Variants in BICDL1 observed in about 807,000 individuals in gnomAD.
BICDL1 encodes BICD family like cargo adaptor 1.
Under a neutral mutation model 76.8 loss-of-function variants are expected in BICDL1, and 20 were observed. The observed-to-expected ratio is 0.26, with a 90% CI of 0.18 to 0.38. The LOEUF is 0.38. Among genes scored for constraint, BICDL1 ranks in the 10% least tolerant of loss-of-function variants. BICDL1 has a pLI of 1.00. For synonymous variants in BICDL1, 383 were observed against 337.1 expected (o/e 1.14, Z -1.49); for missense variants, 700 against 798.6 (o/e 0.88, Z 1.49).
Position 120,064,768 on chromosome 12 carries a change from G to A in BICDL1, c.798G>A (p.Glu266=), listed in dbSNP as rs1392626375. 6 of 1,613,314 alleles carry A rather than the reference G, an allele frequency of 3.7e-6. 1 individual carries two copies. The African/African-American group carries it at 6.7e-5, about 18-fold the overall frequency. Residue 266 remains glutamate, a synonymous_variant, in exon 4 of 10, where the codon GAG becomes GAA. Coordinates refer to ENST00000548673, the MANE Select transcript of BICDL1 (RefSeq NM_001367886.1). ...TGTCAGATCGGAAACGGGAGCTGGA[G>A]CATCGTCTCAGCGCTACTTTAGAGG... ...KMLSDRKREL[E]HRLSATLEEN...
At chr12:120,040,566 C>T (rs1952619143) in intron 2 of BICDL1, among the ~76,000 whole-genome samples, 1 of 152,034 alleles carries the variant, frequency 6.6e-6, no homozygotes, top group African/African-American at 2.4e-5. Flanking sequence ...TAGGCATACA[C>T]TACCACACCC....
chr12:120,092,791 G>A, intron 9 of BICDL1: 1 of 985,442 alleles, frequency 1.0e-6, no homozygotes, highest in South Asian at 4.7e-5. Flanking sequence ...GCCCAAGCCT[G>A]AGGAGGCTGG....
At chr12:120,044,590 T>A (rs984758337) in intron 2 of BICDL1, among the ~76,000 whole-genome samples, 11 of 152,246 alleles carry the variant, frequency 7.2e-5, no homozygotes, top group African/African-American at 2.7e-4. Context: ...TGCAATCTCC[T>A]TTTGAAAGTA....
rs1169741597 is a variant in BICDL1, at chr12:120,022,459, TTATATATTTA to T, written c.645+23733_645+23742del. On this transcript the variant is annotated intron_variant, in intron 2 of 9. Transcript: ENST00000548673. Reference sequence around the variant, plus strand: ...ATATATAATATATGTATTTTATATATTATATATTTATATATATTTTATATATTTTTGTGTA... The same window carrying T: ...ATATATAATATATGTATTTTATATATTATATATTTTATATATTTTTGTGTA... Among the ~76,000 whole-genome samples the T allele has an allele frequency of 2.0e-5, 3 of 147,022 alleles. No homozygotes were observed. The Admixed American group carries it at 2.0e-4, about 10-fold the overall frequency.
In BICDL1 at chr12:119,989,937, C is replaced by G. The variant is rs773544048; in HGVS notation, c.69C>G (p.Cys23Trp). The change falls in exon 1 of 10, where the codon TGC becomes TGG. Residue 23 changes from cysteine (C) to tryptophan (W), a missense_variant. Around this residue, in one of 3 missense-constraint regions of BICDL1, gnomAD observed 225 missense variants for 199.6 expected, o/e 1.13. Coordinates refer to ENST00000548673, the MANE Select transcript of BICDL1 (RefSeq NM_001367886.1). ...SAPAEPDSAC[C>W]MELPAAAGDA... is the part of the protein sequence containing the mutation. ...CCGCCGAGCCGGACAGCGCCTGCTG[C>G]ATGGAGCTGCCCGCCGCGGCCGGGG... 2.0e-6 allele frequency: 3 copies of G among 1,470,244 alleles called. No individual in the cohort carries two copies. The highest frequency in any genetic ancestry group is 2.6e-5 in the Admixed American group (1 of 38,256). The allele number at this position is 1,470,244 out of a possible 1,614,324, so 91.1% of individuals were successfully genotyped here.
chr12:120,025,371 A>G (rs1357096417), intron 2 of BICDL1, among the ~76,000 whole-genome samples: 2 of 152,052 alleles, frequency 1.3e-5, no homozygotes, highest in Admixed American at 6.6e-5. Flanking sequence ...TTCTTAGTAC[A>G]GGGAACTGGA....
At chr12:120,055,849 C>G (rs1395902150) in intron 2 of BICDL1, among the ~76,000 whole-genome samples, 3 of 152,138 alleles carry the variant, frequency 2.0e-5, no homozygotes, top group Non-Finnish European at 4.4e-5. Flanking sequence ...ATTGATGCAA[C>G]CTTTTTAGAG....
rs894904829 is a variant in BICDL1, at chr12:120,071,368, C to T, written c.910-254C>T. Among the ~76,000 whole-genome samples, 3 of 152,142 alleles carry T rather than the reference C, an allele frequency of 2.0e-5. No homozygotes were observed. Among genetic ancestry groups the T allele is most frequent in the African/African-American group, 7.2e-5 (3 of 41,432 alleles). ...TGTTGGCCAGGCTGGTCTCATACTCCTGACCTTAGGTGATCTGCCCGCCTC... is the reference window on the plus strand; with the variant it reads ...TGTTGGCCAGGCTGGTCTCATACTCTTGACCTTAGGTGATCTGCCCGCCTC... On this transcript the variant is annotated intron_variant, in intron 4 of 9. Transcript: ENST00000548673. This position sits in a 1 kb window ranked among gnomAD's most constrained non-coding sequence, Gnocchi z 4.8.
chr12:120,049,722 A>G (rs1952816896), intron 2 of BICDL1, among the ~76,000 whole-genome samples: 1 of 152,184 alleles, frequency 6.6e-6, no homozygotes, highest in South Asian at 2.1e-4. Context: ...GTTTAAACAT[A>G]TGGGGACTAT....
chr12:120,033,049 A>AT (rs1390080528), intron 2 of BICDL1, among the ~76,000 whole-genome samples: 1 of 151,802 alleles, frequency 6.6e-6, no homozygotes, highest in Non-Finnish European at 1.5e-5. Flanking sequence ...CTGGCCTATA[A>AT]TTTTTTTAAG....
At chr12:120,090,330 C>T in intron 9 of BICDL1, 1 of 414,648 alleles carries the variant, frequency 2.4e-6, no homozygotes, top group Non-Finnish European at 4.3e-6. Flanking sequence ...ATGGGGCCCC[C>T]TTTCAGCTGG....
chr12:120,043,177 A>G (rs371049731), intron 2 of BICDL1, among the ~76,000 whole-genome samples: 3 of 152,208 alleles, frequency 2.0e-5, no homozygotes, highest in East Asian at 1.9e-4. Flanking sequence ...TATGTTACCT[A>G]GAGCAGTGCT....
chr12:120,046,046 G>T (rs963152861), intron 2 of BICDL1, among the ~76,000 whole-genome samples: 2 of 152,116 alleles, frequency 1.3e-5, no homozygotes, highest in African/African-American at 2.4e-5. Flanking sequence ...TAGGAACTAT[G>T]CAGTGCCTCA....
At chr12:120,035,637 AAAATCTTTTTTAAAG>A (rs1952517217) in intron 2 of BICDL1, among the ~76,000 whole-genome samples, 3 of 152,350 alleles carry the variant, frequency 2.0e-5, no homozygotes, top group African/African-American at 7.2e-5. Context: ...CCCTTGCGTC[AAAATCTTTTTTAAAG>A]AATTTTTTTT....
rs1012986785 is a variant in BICDL1, at chr12:119,989,833, CG to C, written c.-33del. 1.2e-4 allele frequency: 137 copies of C among 1,176,404 alleles called. No homozygotes were observed. The African/African-American group carries it at 2.1e-3, about 18-fold the overall frequency. The allele number at this position is 1,176,404 out of a possible 1,614,324, so 72.9% of individuals were successfully genotyped here. A position where few individuals can be genotyped will look rare whatever the true frequency, so the allele number is the denominator to read the frequency against. On this transcript the variant is annotated 5_prime_UTR_variant, in exon 1 of 10. Coordinates refer to ENST00000548673, the MANE Select transcript of BICDL1 (RefSeq NM_001367886.1). ...CCCCTGCAGCCTGGCGCGCGCGGGC[CG>C]GGCCGCACCGCTGCGGGCTCCGCGC...
Position 120,066,933 on chromosome 12 carries a change from G to T in BICDL1, c.909+2054G>T, listed in dbSNP as rs138082502. 2.6e-3 allele frequency among the ~76,000 whole-genome samples: 393 copies of T among 152,324 alleles called. 1 individual carries two copies. Among genetic ancestry groups the T allele is most frequent in the Non-Finnish European group, 4.1e-3 (276 of 68,032 alleles). On this transcript the variant is annotated intron_variant, in intron 4 of 9. Coordinates refer to ENST00000548673, the MANE Select transcript of BICDL1 (RefSeq NM_001367886.1). ...TTTGATTTTAAATCCTCAGACAAGG[G>T]TGAGGGATGGCTGAGCAGGCAAGGC... is the stretch of plus-strand genomic sequence containing the variant.
chr12:120,070,578 C>CA (rs1478907762), intron 4 of BICDL1, among the ~76,000 whole-genome samples: 2 of 151,980 alleles, frequency 1.3e-5, no homozygotes, highest in Non-Finnish European at 2.9e-5. Flanking sequence ...ACTATTATAC[C>CA]AAAAAAATTA....
chr12:119,990,256 C>G lies in BICDL1; in HGVS notation c.388C>G (p.Gln130Glu). The G allele has an allele frequency of 6.3e-7, 1 of 1,576,678 alleles. No individual in the cohort carries two copies. Among genetic ancestry groups the G allele is most frequent in the Non-Finnish European group, 8.6e-7 (1 of 1,162,008 alleles). The change falls in exon 1 of 10, where the codon CAG becomes GAG. Residue 130 changes from glutamine to glutamate, a missense_variant. By Grantham distance (29) the Gln-to-Glu change is conservative. Coordinates refer to ENST00000548673, the MANE Select transcript of BICDL1 (RefSeq NM_001367886.1). ...CGAGAGGAACCAGGACATGAGCCGG[C>G]AGTACGAGCAGATGCATAAGGAGCT... Reference protein sequence around the residue: ...LLERNQDMSRQYEQMHKELTD... With the variant: ...LLERNQDMSREYEQMHKELTD...
rs569302592 is a variant in BICDL1, at chr12:120,033,367, CTTTTTT to C, written c.646-28327_646-28322del. 3.5e-3 allele frequency among the ~76,000 whole-genome samples: 272 copies of C among 77,614 alleles called. 8 individuals are homozygous for C. The highest frequency in any genetic ancestry group is 0.02 in the African/African-American group (248 of 12,702). The allele number at this position is 77,614 out of a possible 152,430, so 50.9% of individuals were successfully genotyped here. The stretch of plus-strand genomic sequence containing the variant: ...CAGTTTTCCTGTGGAGAGTTCTTGC[CTTTTTT>C]TTTTTTTTTTTTTTTGTGGGGGAGA... On this transcript the variant is annotated intron_variant, in intron 2 of 9. Coordinates refer to ENST00000548673, the MANE Select transcript of BICDL1 (RefSeq NM_001367886.1).
Sources: allele counts gnomAD v4.1 joint callset (sites outside exome capture counted in the v4.1 genomes callset), GRCh38; gene constraint gnomAD v4.1.1; regional missense constraint gnomAD v4.1.1; non-coding constraint Gnocchi (gnomAD v3.1); transcripts MANE v1.5; gene names NCBI Gene and HGNC (gene_info 2026-07-23, HGNC 2026-07-21).